NFIB: variants seen among roughly 807,000 people sequenced by gnomAD.
NFIB encodes the protein nuclear factor I B, also known as nuclear factor 1 B-type.
NFIB carries 11 observed loss-of-function variants against 61.5 expected under a neutral mutation model. The ratio of observed to expected loss-of-function variants is 0.18; its 90% CI spans 0.11 to 0.30. NFIB has a LOEUF of 0.30. Ranked by LOEUF, NFIB falls within the 10% of genes least tolerant of loss-of-function variation. NFIB has a pLI of 1.00. For missense variants in NFIB, 471 were observed against 608.9 expected (o/e 0.77, Z 2.38); for synonymous variants, 260 against 216.5 (o/e 1.20, Z -1.76).
chr9:14,284,524 G>A (rs1166459285), intron 2 of NFIB, among the ~76,000 whole-genome samples: 4 of 152,094 alleles, frequency 2.6e-5, no homozygotes, highest in Non-Finnish European at 4.4e-5. Context: ...TCCACAAAGT[G>A]AGCACTCAAA....
rs897433203 is a variant in NFIB at position 14,225,444 on chromosome 9, G to A, written c.563-45664C>T. ...TGCACTCCAGCCTGGGCGACAGAGC[G>A]AGACTCCGTCTCAAAAAAAAAAAAA... On this transcript the variant is annotated intron_variant, in intron 2 of 10. Transcript: ENST00000380953. 7.8e-3 allele frequency among the ~76,000 whole-genome samples: 676 copies of A among 86,914 alleles called. 5 individuals are homozygous for A. The highest frequency in any genetic ancestry group is 0.026 in the African/African-American group (643 of 25,170). The allele number at this position is 86,914 out of a possible 152,430, so 57.0% of individuals were successfully genotyped here.
At chr9:14,192,251 C>G (rs2048026602) in intron 2 of NFIB, among the ~76,000 whole-genome samples, 1 of 152,166 alleles carries the variant, frequency 6.6e-6, no homozygotes, top group African/African-American at 2.4e-5. Context: ...AACCATCTAA[C>G]AGCAAGGCCA....
intron 5 of NFIB, 96 bp from the exon 6 acceptor site, chr9:14,146,903 T>G (rs2042331361): frequency 6.7e-7 from 1 of 1,498,482 alleles, no homozygotes; most frequent in Admixed American, 2.2e-5. Context: ...CTGTGAAAAT[T>G]TTCATAAGCA....
At chr9:14,142,894 A>T (rs529244700) in intron 6 of NFIB, among the ~76,000 whole-genome samples, 1 of 152,276 alleles carries the variant, frequency 6.6e-6, no homozygotes, top group African/African-American at 2.4e-5. Flanking sequence ...CATAGGAAAG[A>T]AATATAACAG....
intron 5 of NFIB, 109 bp from the exon 6 acceptor site, chr9:14,146,916 A>G (rs2042332233): frequency 1.6e-5 from 22 of 1,400,824 alleles, no homozygotes; most frequent in Non-Finnish European, 2.2e-5. Context: ...CATAAGCACA[A>G]GTAATAATGG....
chr9:14,299,834 C>G (rs1271530012), intron 2 of NFIB, among the ~76,000 whole-genome samples: 2 of 152,182 alleles, frequency 1.3e-5, no homozygotes, highest in Non-Finnish European at 1.5e-5. Flanking sequence ...TCTGCTTTCC[C>G]ATTTTAGAAC....
At chr9:14,218,466 C>A (rs1248780366) in intron 2 of NFIB, among the ~76,000 whole-genome samples, 5 of 152,122 alleles carry the variant, frequency 3.3e-5, no homozygotes, top group Non-Finnish European at 7.3e-5. Flanking sequence ...AAAGACTTTG[C>A]ATACAGTAAT....
intron 2 of NFIB, among the ~76,000 whole-genome samples, chr9:14,221,375 T>C (rs1025546828): frequency 2.6e-5 from 4 of 152,218 alleles, no homozygotes; most frequent in African/African-American, 9.6e-5. Flanking sequence ...ATAGATTTGG[T>C]TGAATCACAC....
At chr9:14,261,392 TTTTG>T (rs1237297986) in intron 2 of NFIB, among the ~76,000 whole-genome samples, 5 of 152,278 alleles carry the variant, frequency 3.3e-5, no homozygotes, top group African/African-American at 1.2e-4. Flanking sequence ...ATCTCAAACC[TTTTG>T]TTTGAAGATA....
chr9:14,151,858 T>C (rs1190767416), intron 4 of NFIB, among the ~76,000 whole-genome samples: 1 of 152,124 alleles, frequency 6.6e-6, no homozygotes, highest in Non-Finnish European at 1.5e-5. Flanking sequence ...TGAGATGCAC[T>C]CTAAGCATAC....
chr9:14,450,172 A>G, the NFIB span, among the ~76,000 whole-genome samples: 5,879 of 151,882 alleles, frequency 0.039, 356 homozygotes, highest in African/African-American at 0.13. Flanking sequence ...CCCTGTGTCC[A>G]TGTGTTCTCT....
At chr9:14,314,146 G>C (rs1227941397), upstream of NFIB, 4 of 1,021,876 alleles carry the variant, frequency 3.9e-6, no homozygotes, top group Non-Finnish European at 4.7e-6. Flanking sequence ...GAGTGCGCGC[G>C]GGTGGCGGGG....
intron 2 of NFIB, among the ~76,000 whole-genome samples, chr9:14,233,329 C>T: frequency 6.6e-6 from 1 of 151,804 alleles, no homozygotes; most frequent in Non-Finnish European, 1.5e-5. Flanking sequence ...AGAAAGTGAT[C>T]CTAAAAATTT....
chr9:14,125,162 T>C (rs2039463263), intron 7 of NFIB, among the ~76,000 whole-genome samples: 1 of 152,220 alleles, frequency 6.6e-6, no homozygotes, highest in Non-Finnish European at 1.5e-5. Flanking sequence ...TGAAAATCTT[T>C]CTTTTTTCTT....
At chr9:14,218,532 T>C (rs1423578607) in intron 2 of NFIB, among the ~76,000 whole-genome samples, 6 of 152,182 alleles carry the variant, frequency 3.9e-5, no homozygotes, top group Admixed American at 3.9e-4. Context: ...AACTCCAAGT[T>C]GGGCTTCTAA....
chr9:14,463,934 A>G, the NFIB span, among the ~76,000 whole-genome samples: 2 of 152,182 alleles, frequency 1.3e-5, no homozygotes, highest in East Asian at 3.9e-4. Flanking sequence ...TGCTGGGATT[A>G]CAGGCGTGAG....
At chr9:14,166,935 C>T (rs2044868489) in intron 3 of NFIB, among the ~76,000 whole-genome samples, 1 of 152,112 alleles carries the variant, frequency 6.6e-6, no homozygotes, top group Non-Finnish European at 1.5e-5. Context: ...GTTCACTTTT[C>T]GTATAAGTCT....
At chr9:14,329,803 A>T (rs774518850) in intron 1 of NFIB, among the ~76,000 whole-genome samples, 1 of 149,940 alleles carries the variant, frequency 6.7e-6, no homozygotes, top group Non-Finnish European at 1.5e-5. Flanking sequence ...GTGAGCCACC[A>T]CGCCCAGCCA....
intron 10 of NFIB, among the ~76,000 whole-genome samples, chr9:14,107,564 T>C (rs546068553): frequency 2.6e-5 from 4 of 152,270 alleles, no homozygotes; most frequent in Admixed American, 1.3e-4. Flanking sequence ...TTGTAAATTT[T>C]AAGGTTTCAA....
Sources: gnomAD v4.1 joint callset for allele counts (sites outside exome capture counted in the v4.1 genomes callset) on GRCh38, gnomAD v4.1.1 for gene constraint, MANE v1.5 for transcripts, NCBI Gene and HGNC (gene_info 2026-07-23, HGNC 2026-07-21) for gene names.